Variants in UPP2 observed in about 807,000 individuals in gnomAD.
UPP2 encodes the protein UPase 2.
UPP2 carries 23 observed loss-of-function variants against 26.7 expected under a neutral mutation model. The ratio of observed to expected loss-of-function variants is 0.86; its 90% CI spans 0.62 to 1.22. The LOEUF (loss-of-function observed/expected upper bound fraction) is 1.22, where lower values mean the gene tolerates loss of function less well. Among genes scored for constraint, UPP2 ranks in the 50% most tolerant of loss-of-function variants. UPP2 has a pLI of 0.00. For synonymous variants in UPP2, 127 were observed against 141.3 expected, an observed-to-expected ratio of 0.90 and a Z score of 0.72; for missense variants, 387 against 396.7, an observed-to-expected ratio of 0.98 and a Z score of 0.21.
chr2:158,028,907 A>G (rs1388317955), intron 3 of UPP2, among the ~76,000 whole-genome samples: 2 of 152,182 alleles, frequency 1.3e-5, no homozygotes, highest in African/African-American at 4.8e-5. Flanking sequence ...AACCACTCCT[A>G]TGATTCAAAT....
chr2:158,011,181 A>G (rs1000611260), intron 2 of UPP2, among the ~76,000 whole-genome samples: 6 of 152,194 alleles, frequency 3.9e-5, no homozygotes, highest in Admixed American at 1.3e-4. Flanking sequence ...GTGCTGGGGA[A>G]CACCCTTTGG....
intron 2 of UPP2, among the ~76,000 whole-genome samples, chr2:158,007,609 T>C (rs1420916572): frequency 4.0e-5 from 6 of 151,646 alleles, no homozygotes. Context: ...CGTGGGTTTT[T>C]CACGTATTTC....
chr2:157,996,701 T>G (rs1683328956), intron 2 of UPP2, among the ~76,000 whole-genome samples: 1 of 152,188 alleles, frequency 6.6e-6, no homozygotes, highest in Non-Finnish European at 1.5e-5. Context: ...GCCCACATAC[T>G]TAGATCCTTT....
At chr2:158,021,269 T>C (rs1035893218) in intron 3 of UPP2, among the ~76,000 whole-genome samples, 2 of 152,258 alleles carry the variant, frequency 1.3e-5, no homozygotes, top group African/African-American at 4.8e-5. Flanking sequence ...AGAAATGTTC[T>C]GACTTTTAAC....
Position 158,134,984 on chromosome 2 carries a change from T to C in UPP2, c.*94T>C. 1 of 1,390,876 alleles carries C rather than the reference T, an allele frequency of 7.2e-7. No individual in the cohort carries two copies. Among genetic ancestry groups the C allele is most frequent in the South Asian group, 1.7e-5 (1 of 57,632 alleles). The allele number at this position is 1,390,876 out of a possible 1,614,324, so 86.2% of individuals were successfully genotyped here. On this transcript the variant is annotated 3_prime_UTR_variant, in exon 7 of 7. Coordinates refer to ENST00000005756, the MANE Select transcript of UPP2 (RefSeq NM_173355.4). Reference sequence around the variant, plus strand: ...TTTTATTTGTGGCATTTTTATATAGTTCTCATCCACATGCTAAATGGAAAG... The same window carrying C: ...TTTTATTTGTGGCATTTTTATATAGCTCTCATCCACATGCTAAATGGAAAG...
chr2:158,020,041 G>A (rs1683724629), intron 3 of UPP2, among the ~76,000 whole-genome samples: 2 of 152,194 alleles, frequency 1.3e-5, no homozygotes, highest in Admixed American at 1.3e-4. Flanking sequence ...TAAGGTGACT[G>A]TTGAATAGCG....
At chr2:158,087,488 T>C (rs1352862187) in intron 3 of UPP2, among the ~76,000 whole-genome samples, 1 of 152,208 alleles carries the variant, frequency 6.6e-6, no homozygotes, top group African/African-American at 2.4e-5. Flanking sequence ...TTACATTCAA[T>C]TTTAGTATTG....
At chr2:158,018,116 A>C (rs1040173909) in intron 3 of UPP2, among the ~76,000 whole-genome samples, 5 of 152,254 alleles carry the variant, frequency 3.3e-5, no homozygotes, top group African/African-American at 1.2e-4. Context: ...AGATGATATC[A>C]TAACCAATGA....
At chr2:158,096,603 A>T (rs1258208167) in intron 3 of UPP2, among the ~76,000 whole-genome samples, 1 of 151,542 alleles carries the variant, frequency 6.6e-6, no homozygotes, top group Non-Finnish European at 1.5e-5. Flanking sequence ...TGTCTCAAAA[A>T]TAAATAAATA....
intron 3 of UPP2, among the ~76,000 whole-genome samples, chr2:158,072,780 A>G (rs994965730): frequency 9.9e-5 from 15 of 152,228 alleles, no homozygotes; most frequent in African/African-American, 3.4e-4. Flanking sequence ...TGGTAACTCA[A>G]TGAGTCTATA....
At chr2:158,120,871 T>C (rs1234829965) in intron 4 of UPP2, among the ~76,000 whole-genome samples, 4 of 151,694 alleles carry the variant, frequency 2.6e-5, no homozygotes, top group Admixed American at 6.6e-5. Context: ...TGGCAGAAAA[T>C]AGTTTCTTAA....
intron 2 of UPP2, among the ~76,000 whole-genome samples, chr2:158,003,136 G>T (rs1359304341): frequency 1.3e-5 from 2 of 152,110 alleles, no homozygotes; most frequent in Non-Finnish European, 2.9e-5. Context: ...GGGATGGGTA[G>T]GTGGGGTGTC....
intron 3 of UPP2, among the ~76,000 whole-genome samples, chr2:158,036,816 G>C (rs1368645253): frequency 6.6e-6 from 1 of 152,188 alleles, no homozygotes; most frequent in East Asian, 1.9e-4. Flanking sequence ...ACAGTTGAAA[G>C]GGGGCACAGT....
At chr2:158,128,009 A>G in intron 6 of UPP2, 1 of 985,434 alleles carries the variant, frequency 1.0e-6, no homozygotes, top group Non-Finnish European at 1.2e-6. Context: ...ATGAAAGATG[A>G]TAATCCTCTT....
intron 3 of UPP2, among the ~76,000 whole-genome samples, chr2:158,073,008 A>T (rs754825391): frequency 6.6e-6 from 1 of 152,192 alleles, no homozygotes; most frequent in African/African-American, 2.4e-5. Flanking sequence ...CAATCCTGGA[A>T]AAACAGAGAT....
At chr2:158,098,151 C>CAG (rs1392794523), upstream of UPP2, among the ~76,000 whole-genome samples, 1 of 151,992 alleles carries the variant, frequency 6.6e-6, no homozygotes, top group African/African-American at 2.4e-5. Flanking sequence ...TCACATAAGA[C>CAG]AGAGAGAAAA....
At chr2:158,069,520 C>T (rs1216733000) in intron 3 of UPP2, among the ~76,000 whole-genome samples, 2 of 152,214 alleles carry the variant, frequency 1.3e-5, no homozygotes, top group Admixed American at 6.5e-5. Context: ...GCATCTAGTT[C>T]TTGCAGTAAA....
Position 158,115,077 on chromosome 2 carries a change from G to A in UPP2, c.181-24G>A, listed in dbSNP as rs575490631. On this transcript the variant is annotated intron_variant, in intron 2 of 6. Transcript: ENST00000005756. Reference sequence around the variant, plus strand: ...GTTCTTATCCCAGTTACTATGGCAGGCCCTTGTTTATTTTTATTAACAGTT... The same window carrying A: ...GTTCTTATCCCAGTTACTATGGCAGACCCTTGTTTATTTTTATTAACAGTT... The A allele has an allele frequency of 3.0e-4, 473 of 1,576,232 alleles. 9 individuals carry two copies. The South Asian group carries it at 5.3e-3, about 18-fold the overall frequency.
rs560487244 is a variant in UPP2, at chr2:158,016,884, C to G, written c.147+998C>G. Reference sequence around the variant, plus strand: ...TTTTCCCTCTGAACAAAAAAGAAAGCCAAGGAAGAATTGGTGACTTGATTT... The same window carrying G: ...TTTTCCCTCTGAACAAAAAAGAAAGGCAAGGAAGAATTGGTGACTTGATTT... On this transcript the variant is annotated intron_variant, in intron 3 of 9. Coordinates refer to the UPP2 transcript ENST00000605860. Among the ~76,000 whole-genome samples the G allele has an allele frequency of 2.6e-5, 4 of 152,162 alleles. No homozygotes were observed. The East Asian group carries it at 7.7e-4, about 29-fold the overall frequency.
Sources: allele counts gnomAD v4.1 joint callset (sites outside exome capture counted in the v4.1 genomes callset), GRCh38; gene constraint gnomAD v4.1.1; transcripts MANE v1.5; gene names NCBI Gene and HGNC (gene_info 2026-07-23, HGNC 2026-07-21).